Variants in NECAB2 observed in about 807,000 individuals in gnomAD.
NECAB2 encodes the protein N-terminal EF-hand calcium binding protein 2, also known as N-terminal EF-hand calcium-binding protein 2.
A neutral mutation model predicts 51.9 loss-of-function variants in NECAB2; 68 were observed. That is an observed-to-expected ratio of 1.31 (90% CI 1.08 to 1.60). NECAB2 has a LOEUF of 1.60. NECAB2 is among the 40% of genes most tolerant of loss of function. The pLI is 0.00. For missense variants in NECAB2, 854 were observed against 490.3 expected (o/e 1.74, Z -7.00); for synonymous variants, 329 against 203.5 (o/e 1.62, Z -5.25).
At chr16:83,995,220 G>C (rs1023908846) in intron 8 of NECAB2, among the ~76,000 whole-genome samples, 3 of 152,228 alleles carry the variant, frequency 2.0e-5, no homozygotes, top group African/African-American at 7.2e-5. Flanking sequence ...CGTGACTCGG[G>C]ATAGAGTGCT....
At position 83,971,987 on chromosome 16, in the gene NECAB2, C is replaced by T. The variant is rs2084353322; in HGVS notation, c.202-164C>T. On this transcript the variant is annotated intron_variant, in intron 1 of 12. Coordinates refer to ENST00000305202, the MANE Select transcript of NECAB2 (RefSeq NM_019065.3). ...GTCTGCAACATCCCTCATCAGTTCC[C>T]CCTGGATCCCAGCCCGGGGAGGGGG... 9 of 915,966 alleles carry T rather than the reference C, an allele frequency of 9.8e-6. No homozygotes were observed. In the South Asian group the frequency reaches 1.4e-4, roughly 15 times the overall value. 56.7% of individuals were successfully genotyped at this position (915,966 alleles called of 1,614,324 possible). A position where few individuals can be genotyped will look rare whatever the true frequency, so the allele number is the denominator to read the frequency against.
At chr16:83,972,930 G>C (rs553534596) in intron 2 of NECAB2, among the ~76,000 whole-genome samples, 1 of 152,208 alleles carries the variant, frequency 6.6e-6, no homozygotes, top group Non-Finnish European at 1.5e-5. Context: ...TATTACAGTT[G>C]CAACGCAACT....
At chr16:83,994,711 C>T (rs374435690) in intron 8 of NECAB2, 23 bp downstream of exon 8, 489 of 1,612,918 alleles carry the variant, frequency 3.0e-4, no homozygotes, top group Admixed American at 1.9e-3. Flanking sequence ...CTGACCACGG[C>T]GTCTACTCCT....
chr16:83,976,952 T>C (rs2084418454), intron 2 of NECAB2, among the ~76,000 whole-genome samples: 1 of 152,214 alleles, frequency 6.6e-6, no homozygotes, highest in Non-Finnish European at 1.5e-5. Flanking sequence ...TCAACCCAAG[T>C]ACGTCTGCCA....
In NECAB2 at chr16:83,968,807, C is replaced by T. The variant is rs1445184615; in HGVS notation, c.159C>T (p.Pro53=). The T allele has an allele frequency of 1.8e-6, 2 of 1,128,546 alleles. No individual in the cohort carries two copies. The highest frequency in any genetic ancestry group is 2.2e-6 in the Non-Finnish European group (2 of 923,032). 69.9% of individuals were successfully genotyped at this position (1,128,546 alleles called of 1,614,324 possible). ...ESLAPAAPAD[P]GPASPRGGTA... is the part of the protein sequence containing the mutation. ...TGGCCCCCGCCGCCCCCGCGGACCC[C>T]GGCCCAGCCTCGCCGCGCGGGGGCA... The change falls in exon 1 of 13, where the codon CCC becomes CCT. Residue 53 remains proline, a synonymous_variant. Transcript: ENST00000305202.
At position 84,002,574 on chromosome 16, in the gene NECAB2, C is replaced by A. The variant is rs559695119; in HGVS notation, c.*228C>A. The A allele has an allele frequency of 1.6e-5, 10 of 607,748 alleles. No individual in the cohort carries two copies. Among genetic ancestry groups the A allele is most frequent in the Non-Finnish European group, 2.6e-5 (9 of 346,838 alleles). 37.6% of individuals were successfully genotyped at this position (607,748 alleles called of 1,614,324 possible). A position where few individuals can be genotyped will look rare whatever the true frequency, so the allele number is the denominator to read the frequency against. ...TGGTGAAGCCCAAGGTTGAAGGGGG[C>A]GGCTTCCTGGAGCCAGCACCCCTGC... On this transcript the variant is annotated 3_prime_UTR_variant, in exon 13 of 13. Coordinates refer to ENST00000305202, the MANE Select transcript of NECAB2 (RefSeq NM_019065.3).
At chr16:83,992,962 C>A (rs1013834310) in intron 6 of NECAB2, among the ~76,000 whole-genome samples, 2 of 152,202 alleles carry the variant, frequency 1.3e-5, no homozygotes, top group Admixed American at 6.5e-5. Flanking sequence ...GTTTTCAGGG[C>A]AGACTTCCCA....
chr16:83,985,405 C>G (rs907684529), intron 5 of NECAB2, among the ~76,000 whole-genome samples: 2 of 145,422 alleles, frequency 1.4e-5, no homozygotes, highest in African/African-American at 5.1e-5. Flanking sequence ...GAGGCCGAGG[C>G]AGATAGATCA....
In NECAB2 at chr16:83,994,421, G is replaced by A; in HGVS notation, c.715+1G>A. On this transcript the variant is annotated splice_donor_variant, in intron 7 of 12. Transcript: ENST00000305202. LOFTEE classifies it high-confidence loss of function. ...GAACAAGGCAAGACCCTTCCATCTGGTGAGAGAAAGCGGGGGCCCTGGTGG... is the reference window on the plus strand; with the variant it reads ...GAACAAGGCAAGACCCTTCCATCTGATGAGAGAAAGCGGGGGCCCTGGTGG... The A allele has an allele frequency of 6.2e-7, 1 of 1,614,040 alleles. No individual in the cohort carries two copies. The highest frequency in any genetic ancestry group is 8.5e-7 in the Non-Finnish European group (1 of 1,179,906).
At chr16:83,981,884 T>C (rs181055065) in intron 5 of NECAB2, among the ~76,000 whole-genome samples, 154 of 152,246 alleles carry the variant, frequency 1.0e-3, no homozygotes, top group African/African-American at 3.5e-3. Context: ...ACCAGCACCC[T>C]GAGCTTTGGG....
intron 8 of NECAB2, among the ~76,000 whole-genome samples, chr16:83,996,577 G>C (rs937722905): frequency 5.3e-5 from 8 of 151,508 alleles, no homozygotes; most frequent in African/African-American, 1.7e-4. Flanking sequence ...GAAGGAAGCA[G>C]CAGCATGAGC....
chr16:84,000,076 G>GAGAC (rs1204762016), intron 10 of NECAB2, among the ~76,000 whole-genome samples: 1 of 147,698 alleles, frequency 6.8e-6, no homozygotes, highest in Admixed American at 6.6e-5. Context: ...TTTTTTTAAA[G>GAGAC]AGACAGTGTT....
chr16:83,978,474 A>T lies in NECAB2; in HGVS notation c.257A>T (p.Gln86Leu). The T allele has an allele frequency of 6.2e-7, 1 of 1,614,024 alleles. No individual in the cohort carries two copies. Among genetic ancestry groups the T allele is most frequent in the East Asian group, 2.2e-5 (1 of 44,874 alleles). The change falls in exon 3 of 13, where the codon CAG becomes CTG. Residue 86 changes from glutamine to leucine, a missense_variant. Gln to Leu is a moderately radical substitution (Grantham distance 113, BLOSUM62 -2). Coordinates refer to ENST00000305202, the MANE Select transcript of NECAB2 (RefSeq NM_019065.3). ...DDGKLSLEEFQLFFADGVLNE... is the reference protein window; with the variant it reads ...DDGKLSLEEFLLFFADGVLNE... ...GGGAAGCTGTCCTTGGAGGAATTCC[A>T]GCTCTTCTTTGCAGATGGCGTCCTT...
intron 10 of NECAB2, among the ~76,000 whole-genome samples, chr16:83,999,673 C>A (rs978898129): frequency 3.9e-5 from 6 of 152,090 alleles, no homozygotes; most frequent in African/African-American, 1.4e-4. Flanking sequence ...ACTATCAGCA[C>A]CTTTAAAATG....
intron 6 of NECAB2, among the ~76,000 whole-genome samples, chr16:83,992,595 G>T (rs1390866234): frequency 6.6e-6 from 1 of 152,124 alleles, no homozygotes; most frequent in African/African-American, 2.4e-5. Flanking sequence ...GGGGGACTGG[G>T]GTTTGATCGT....
Position 84,002,492 on chromosome 16 carries a change from G to T in NECAB2, c.*146G>T, listed in dbSNP as rs1168863107. 1.4e-5 allele frequency: 15 copies of T among 1,089,440 alleles called. No individual in the cohort carries two copies. In the East Asian group the frequency reaches 3.5e-4, roughly 25 times the overall value. The allele number at this position is 1,089,440 out of a possible 1,614,324, so 67.5% of individuals were successfully genotyped here. A position where few individuals can be genotyped will look rare whatever the true frequency, so the allele number is the denominator to read the frequency against. ...AGGTGTTTCCCTGTTGTTAAGTGAA[G>T]GAGGCCGCCCCTGCCCCCACCTGAG... On this transcript the variant is annotated 3_prime_UTR_variant, in exon 13 of 13. Transcript: ENST00000305202.
intron 8 of NECAB2, among the ~76,000 whole-genome samples, chr16:83,995,944 A>T (rs912233936): frequency 6.6e-6 from 1 of 152,214 alleles, no homozygotes; most frequent in Non-Finnish European, 1.5e-5. Flanking sequence ...TTTTTAGAGC[A>T]CCGTCGCCCT....
Position 84,002,483 on chromosome 16 carries a change from T to G in NECAB2, c.*137T>G. ...TCCACAAGAAGGTGTTTCCCTGTTG[T>G]TAAGTGAAGGAGGCCGCCCCTGCCC... is the stretch of plus-strand genomic sequence containing the variant. On this transcript the variant is annotated 3_prime_UTR_variant, in exon 13 of 13. Coordinates refer to ENST00000305202, the MANE Select transcript of NECAB2 (RefSeq NM_019065.3). 1 of 1,233,402 alleles carries G rather than the reference T, an allele frequency of 8.1e-7. No homozygotes were observed. The highest frequency in any genetic ancestry group is 1.2e-5 in the South Asian group (1 of 80,768). The allele number at this position is 1,233,402 out of a possible 1,614,324, so 76.4% of individuals were successfully genotyped here. A position where few individuals can be genotyped will look rare whatever the true frequency, so the allele number is the denominator to read the frequency against.
chr16:83,973,776 GT>G (rs984156246), intron 2 of NECAB2, among the ~76,000 whole-genome samples: 2 of 152,048 alleles, frequency 1.3e-5, no homozygotes, highest in African/African-American at 4.8e-5. Context: ...GGACGTGTTT[GT>G]TGGTGAGAGC....
Sources: gnomAD v4.1 joint callset for allele counts (sites outside exome capture counted in the v4.1 genomes callset) on GRCh38, gnomAD v4.1.1 for gene constraint, MANE v1.5 for transcripts, NCBI Gene and HGNC (gene_info 2026-07-23, HGNC 2026-07-21) for gene names.